LTBP1: variants seen among roughly 807,000 people sequenced by gnomAD.
LTBP1 encodes latent-transforming growth factor beta-binding protein 1.
A neutral mutation model predicts 207.6 loss-of-function variants in LTBP1; 129 were observed. The observed-to-expected ratio is 0.62, with a 90% CI of 0.54 to 0.72. The LOEUF is 0.72. Ranked by LOEUF, LTBP1 falls within the 30% of genes least tolerant of loss-of-function variation. The pLI, the probability that LTBP1 is intolerant of heterozygous loss-of-function variation, is 0.00. For missense variants in LTBP1, 2,281 were observed against 2,217.2 expected, an observed-to-expected ratio of 1.03 and a Z score of -0.58; for synonymous variants, 963 against 833.7, an observed-to-expected ratio of 1.16 and a Z score of -2.67.
intron 9 of LTBP1, among the ~76,000 whole-genome samples, chr2:33,223,744 G>T (rs1454375): frequency 0.017 from 2,577 of 152,232 alleles, 180 homozygotes; most frequent in Admixed American, 0.14. Flanking sequence ...AGACTGATTT[G>T]GGGTTTGGGT....
chr2:33,181,274 G>A (rs115113153), intron 5 of LTBP1, among the ~76,000 whole-genome samples: 1 of 152,300 alleles, frequency 6.6e-6, no homozygotes, highest in African/African-American at 2.4e-5. Context: ...AGAAAATTCA[G>A]TTTGCCCGCA....
At chr2:33,379,725 G>C (rs1366858820) in intron 31 of LTBP1, among the ~76,000 whole-genome samples, 1 of 152,210 alleles carries the variant, frequency 6.6e-6, no homozygotes, top group Non-Finnish European at 1.5e-5. Flanking sequence ...TTACTTTGCA[G>C]TGATGTCTTA....
intron 15 of LTBP1, among the ~76,000 whole-genome samples, chr2:33,264,898 G>C (rs2148106941): frequency 6.6e-6 from 1 of 152,306 alleles, no homozygotes; most frequent in South Asian, 2.1e-4. Flanking sequence ...GAAGGCTGGT[G>C]TTATAGTTCT....
At chr2:33,178,566 T>C (rs2086304911) in intron 5 of LTBP1, among the ~76,000 whole-genome samples, 1 of 152,254 alleles carries the variant, frequency 6.6e-6, no homozygotes, top group Admixed American at 6.5e-5. Context: ...TTGAGGTTGA[T>C]CTTTTCTACT....
chr2:33,104,809 C>T (rs193129034), intron 3 of LTBP1, among the ~76,000 whole-genome samples: 80 of 152,302 alleles, frequency 5.3e-4, no homozygotes, highest in African/African-American at 1.9e-3. Context: ...ATTTCTGTTT[C>T]TAAACTAACA....
rs148571124 is a variant in LTBP1, at chr2:33,020,939, G to A, written c.596G>A (p.Gly199Glu). The change falls in exon 3 of 34, where the codon GGG becomes GAG. Residue 199 changes from glycine (G) to glutamate (E), a missense_variant. Physicochemically the swap from Gly to Glu is moderately conservative, Grantham distance 98 (BLOSUM62 -2). Around this residue, in one of 3 missense-constraint regions of LTBP1, gnomAD observed 555 missense variants for 491.0 expected, o/e 1.13. Transcript: ENST00000404816. ...TGTGTTCCGCCATGTCAGAATGGAG[G>A]GATGTGTCTCCGGCCACAACTCTGT... ...PSCVPPCQNGGMCLRPQLCVC... is the reference protein window; with the variant it reads ...PSCVPPCQNGEMCLRPQLCVC... 1.8e-5 allele frequency: 28 copies of A among 1,595,096 alleles called. No homozygotes were observed. In the African/African-American group the frequency reaches 2.1e-4, roughly 12 times the overall value.
In LTBP1 at chr2:32,947,364, G is replaced by T; in HGVS notation, c.40G>T (p.Ala14Ser). Reference sequence around the variant, plus strand: ...GCTCAGGTGGGGGCTCCTGCTCTGGGCAGGGCTCCTCGCGTCCTCGGCGCA... The same window carrying T: ...GCTCAGGTGGGGGCTCCTGCTCTGGTCAGGGCTCCTCGCGTCCTCGGCGCA... The part of the protein sequence containing the change: ...AWLRWGLLLW[A>S]GLLASSAHGR... Residue 14 changes from alanine to serine, a missense_variant, in exon 1 of 34, where the codon GCA becomes TCA. This residue lies in a region of LTBP1 where 555 missense variants were observed against 491.0 expected (regional missense o/e 1.13). Coordinates refer to ENST00000404816, the MANE Select transcript of LTBP1 (RefSeq NM_206943.4). 1 of 1,345,092 alleles carries T rather than the reference G, an allele frequency of 7.4e-7. No homozygotes were observed. Among genetic ancestry groups the T allele is most frequent in the South Asian group, 1.8e-5 (1 of 55,016 alleles). 83.3% of individuals were successfully genotyped at this position (1,345,092 alleles called of 1,614,324 possible).
intron 3 of LTBP1, among the ~76,000 whole-genome samples, chr2:33,082,078 T>C (rs2078444298): frequency 6.6e-6 from 1 of 152,074 alleles, no homozygotes; most frequent in Non-Finnish European, 1.5e-5. Flanking sequence ...TCTTAAGAGG[T>C]GGGATCTTTA....
At chr2:33,019,027 AAATC>A (rs1465636002) in intron 2 of LTBP1, among the ~76,000 whole-genome samples, 1 of 152,184 alleles carries the variant, frequency 6.6e-6, no homozygotes, top group Non-Finnish European at 1.5e-5. Flanking sequence ...CTTTTATAGA[AAATC>A]AATAGGTTTT....
intron 19 of LTBP1, chr2:33,291,720 C>T (rs532522309): frequency 2.0e-5 from 3 of 152,246 alleles, no homozygotes; most frequent in Non-Finnish European, 4.4e-5. Flanking sequence ...GCAGGGAACA[C>T]ACCCGTGTGC....
intron 3 of LTBP1, among the ~76,000 whole-genome samples, chr2:33,026,147 C>A (rs568894787): frequency 3.3e-5 from 5 of 152,158 alleles, no homozygotes; most frequent in Admixed American, 2.0e-4. Flanking sequence ...ATTACTGGGA[C>A]CTTGTCTGAA....
intron 3 of LTBP1, among the ~76,000 whole-genome samples, chr2:33,065,514 C>T (rs890667792): frequency 6.6e-6 from 1 of 152,054 alleles, no homozygotes; most frequent in Non-Finnish European, 1.5e-5. Flanking sequence ...CATGTCACTG[C>T]TCTACATCCT....
intron 3 of LTBP1, among the ~76,000 whole-genome samples, chr2:33,099,229 T>C (rs2079567857): frequency 6.6e-6 from 1 of 152,228 alleles, no homozygotes; most frequent in Non-Finnish European, 1.5e-5. Context: ...ATGCTTTCAA[T>C]ATTTATTACT....
At chr2:33,009,395 G>T (rs1032568677) in intron 2 of LTBP1, among the ~76,000 whole-genome samples, 5 of 152,174 alleles carry the variant, frequency 3.3e-5, no homozygotes, top group Non-Finnish European at 7.3e-5. Context: ...TGGACATAGG[G>T]TCCTTGCAGA....
At chr2:33,039,905 G>C (rs2076101806) in intron 3 of LTBP1, among the ~76,000 whole-genome samples, 1 of 152,200 alleles carries the variant, frequency 6.6e-6, no homozygotes, top group South Asian at 2.1e-4. Flanking sequence ...GACGAAGCTT[G>C]GTTTTGTGTG....
At chr2:33,103,632 T>TGTGTGTGTGTGTGTGTGTGTG (rs200334066) in intron 3 of LTBP1, among the ~76,000 whole-genome samples, 2 of 149,410 alleles carry the variant, frequency 1.3e-5, no homozygotes, top group Admixed American at 6.7e-5. Context: ...TGTGTGAGTG[T>TGTGTGTGTGTGTGTGTGTGTG]TATGCTGCCA....
intron 19 of LTBP1, among the ~76,000 whole-genome samples, chr2:33,285,305 G>A (rs148433525): frequency 1.2e-4 from 19 of 152,016 alleles, no homozygotes; most frequent in African/African-American, 4.6e-4. Context: ...GTCCCCGAAA[G>A]TGCTGGGATT....
At chr2:33,123,007 A>G (rs1161712991) in intron 4 of LTBP1, among the ~76,000 whole-genome samples, 1 of 152,164 alleles carries the variant, frequency 6.6e-6, no homozygotes, top group African/African-American at 2.4e-5. Flanking sequence ...CCAAAGCTTG[A>G]CTTCTAGAGA....
intron 7 of LTBP1, among the ~76,000 whole-genome samples, chr2:33,204,985 G>T (rs2089719251): frequency 6.6e-6 from 1 of 152,036 alleles, no homozygotes; most frequent in African/African-American, 2.4e-5. Flanking sequence ...CAAATAATTG[G>T]ATTGGCTAAG....
Sources: gnomAD v4.1 joint callset for allele counts (sites outside exome capture counted in the v4.1 genomes callset) on GRCh38, gnomAD v4.1.1 for gene constraint, gnomAD v4.1.1 regional missense constraint, MANE v1.5 for transcripts, NCBI Gene and HGNC (gene_info 2026-07-23, HGNC 2026-07-21) for gene names.